ERLIN2: variants seen among roughly 807,000 people sequenced by gnomAD.
The protein encoded by ERLIN2 is ER lipid raft associated 2.
ERLIN2 carries 22 observed loss-of-function variants against 41.5 expected under a neutral mutation model. The ratio of observed to expected loss-of-function variants is 0.53; its 90% CI spans 0.38 to 0.76. The LOEUF (loss-of-function observed/expected upper bound fraction) is 0.76, where lower values mean the gene tolerates loss of function less well. Ranked by LOEUF, ERLIN2 falls within the 30% of genes least tolerant of loss-of-function variation. The pLI is 0.00. For missense variants in ERLIN2, 247 were observed against 414.3 expected (o/e 0.60, Z 3.51); for synonymous variants, 149 against 150.9 (o/e 0.99, Z 0.09).
chr8:37,753,505 T>C lies in ERLIN2; in HGVS notation c.795T>C (p.Ala265=), dbSNP rs1803277065. 6.2e-7 allele frequency: 1 copy of C among 1,613,994 alleles called. No homozygotes were observed. The highest frequency in any genetic ancestry group is 8.5e-7 in the Non-Finnish European group (1 of 1,180,004). Residue 265 remains alanine, a synonymous_variant, in exon 11 of 12, where the codon GCT becomes GCC. Transcript: ENST00000519638. Reference sequence around the variant, plus strand: ...AGGCAGATGCTGAGTGCTACACTGCTATGAAAATAGCCGAAGCCAATAAGG... The same window carrying C: ...AGGCAGATGCTGAGTGCTACACTGCCATGAAAATAGCCGAAGCCAATAAGG... ...KAKADAECYT[A]MKIAEANKLK...
chr8:37,741,871 G>C lies in ERLIN2; in HGVS notation c.236+53G>C. ...GCCCAAATAAGTCAGAGAAAAGGCT[G>C]TCTGGCTGGTTGCAGGAAGAGACAG... On this transcript the variant is annotated intron_variant, in intron 4 of 11. Transcript: ENST00000519638. The surrounding 1 kb of genome is among the most constrained non-coding windows in gnomAD (Gnocchi z 4.8). The C allele has an allele frequency of 1.4e-6, 2 of 1,417,090 alleles. No homozygotes were observed. The highest frequency in any genetic ancestry group is 1.0e-6 in the Non-Finnish European group (1 of 1,000,310). 87.8% of individuals were successfully genotyped at this position (1,417,090 alleles called of 1,614,324 possible).
chr8:37,756,715 G>A lies in ERLIN2; in HGVS notation c.*2600G>A, dbSNP rs1803367088. The A allele has an allele frequency of 1.3e-5, 2 of 152,516 alleles. No homozygotes were observed. 9.4% of individuals were successfully genotyped at this position (152,516 alleles called of 1,614,324 possible). ...TTTGTTTTTATTTTAACTCTTACTA[G>A]AAAATCTAATCTTAAAACATTTGAA... On this transcript the variant is annotated 3_prime_UTR_variant, in exon 12 of 12. Transcript: ENST00000519638.
At chr8:37,738,088 C>T in intron 2 of ERLIN2, 59 bp downstream of exon 2, 1 of 1,595,536 alleles carries the variant, frequency 6.3e-7, no homozygotes, top group Non-Finnish European at 8.6e-7. Flanking sequence ...CTTTCCTGGT[C>T]ATTGCTTTCC....
chr8:37,740,477 G>T lies in ERLIN2; in HGVS notation c.189+31G>T. ...CTTGGCCTCTGTGGTATGGCTGGAC[G>T]ACTGCAAACTTGGGCTGTTAACTAG... On this transcript the variant is annotated intron_variant, in intron 3 of 11. Transcript: ENST00000519638. The T allele has an allele frequency of 3.2e-6, 5 of 1,551,458 alleles. No homozygotes were observed. The South Asian group carries it at 3.3e-5, about 10-fold the overall frequency.
At chr8:37,740,317 GC>G in intron 2 of ERLIN2, 47 bp from the exon 3 acceptor site, 1 of 1,332,422 alleles carries the variant, frequency 7.5e-7, no homozygotes, top group Non-Finnish European at 1.1e-6. Flanking sequence ...ATCTAACAGA[GC>G]CTTCTTGCCA....
intron 1 of ERLIN2, 169 bp downstream of exon 1, chr8:37,736,847 C>T: frequency 1.0e-6 from 1 of 985,888 alleles, no homozygotes; most frequent in Non-Finnish European, 1.2e-6. Context: ...CCTTGCGAGC[C>T]GCAGGGGGAC....
At chr8:37,747,797 T>G in intron 6 of ERLIN2, 11 of 1,614,126 alleles carry the variant, frequency 6.8e-6, no homozygotes, top group African/African-American at 1.3e-5. Context: ...TCTTCTGTGT[T>G]ACAAAACTTA....
rs1802846272 is a variant in ERLIN2, at chr8:37,741,394, G to A, written c.190-378G>A. On this transcript the variant is annotated intron_variant, in intron 3 of 11. Transcript: ENST00000519638. The surrounding 1 kb of genome is among the most constrained non-coding windows in gnomAD (Gnocchi z 4.8). ...ATTTATAAATTAAACTTTATCATAG[G>A]TATGTGTTATAGGGTTTGGTACTCT... 6.6e-6 allele frequency among the ~76,000 whole-genome samples: 1 copy of A among 152,078 alleles called. No individual in the cohort carries two copies. The highest frequency in any genetic ancestry group is 1.5e-5 in the Non-Finnish European group (1 of 68,026).
At chr8:37,746,383 A>G in intron 6 of ERLIN2, 1 of 985,426 alleles carries the variant, frequency 1.0e-6, no homozygotes, top group Non-Finnish European at 1.2e-6. Flanking sequence ...ACTTAGTAAT[A>G]CAACTTTTTT....
At chr8:37,745,906 A>T (rs1803030583) in intron 6 of ERLIN2, 1 of 1,182,488 alleles carries the variant, frequency 8.5e-7, no homozygotes, top group African/African-American at 1.6e-5. Flanking sequence ...CCATTGTCTT[A>T]GGACTTGTGA....
At chr8:37,751,286 T>C (rs767196397) in intron 9 of ERLIN2, among the ~76,000 whole-genome samples, 2 of 152,240 alleles carry the variant, frequency 1.3e-5, no homozygotes, top group Non-Finnish European at 2.9e-5. Flanking sequence ...CTGCACCGTA[T>C]TATCAACAAC....
rs542972895 is a variant in ERLIN2 at position 37,744,432 on chromosome 8, T to C, written c.298+16T>C. The C allele has an allele frequency of 6.2e-7, 1 of 1,613,510 alleles. No homozygotes were observed. Among genetic ancestry groups the C allele is most frequent in the Non-Finnish European group, 8.5e-7 (1 of 1,179,440 alleles). On this transcript the variant is annotated intron_variant, in intron 5 of 11. Transcript: ENST00000519638. ...CCGAACGCAGGTACGTCTTAACAGT[T>C]TATTCCCACCACCAGCTCACTTTCC...
intron 8 of ERLIN2, 109 bp downstream of exon 8, chr8:37,749,961 G>GTA: frequency 9.9e-7 from 1 of 1,008,692 alleles, no homozygotes; most frequent in Non-Finnish European, 1.6e-6. Flanking sequence ...TCCCCTTGCT[G>GTA]GAGGATTTGC....
chr8:37,744,354 G>A lies in ERLIN2; in HGVS notation c.237-1G>A, dbSNP rs1057519172. ...CTTCTTGTCCATTCTCCCTCCAATAGTGGTGGTGTGATGATCTACTTTGAC... is the reference window on the plus strand; with the variant it reads ...CTTCTTGTCCATTCTCCCTCCAATAATGGTGGTGTGATGATCTACTTTGAC... On this transcript the variant is annotated splice_acceptor_variant, in intron 4 of 11. Transcript: ENST00000519638. LOFTEE classifies it high-confidence loss of function. The A allele has an allele frequency of 4.3e-6, 7 of 1,613,416 alleles. No homozygotes were observed. The highest frequency in any genetic ancestry group is 5.9e-6 in the Non-Finnish European group (7 of 1,179,384).
At chr8:37,744,222 A>G in intron 4 of ERLIN2, 133 bp from the exon 5 acceptor site, 3 of 822,560 alleles carry the variant, frequency 3.6e-6, no homozygotes, top group Non-Finnish European at 6.5e-6. Context: ...TGGAGATCCA[A>G]GCTGCCTTCC....
Position 37,754,292 on chromosome 8 carries a change from G to T in ERLIN2, c.*177G>T, listed in dbSNP as rs1365712423. On this transcript the variant is annotated 3_prime_UTR_variant, in exon 12 of 12. Transcript: ENST00000519638. ...TAGGGAAAGGAGGGTGGGGACTGAT[G>T]ATGGGGGGTTTTATTTCAGGTAAGC... 4.6e-6 allele frequency: 3 copies of T among 646,384 alleles called. No individual in the cohort carries two copies. The highest frequency in any genetic ancestry group is 1.8e-5 in the African/African-American group (1 of 54,928). 40.0% of individuals were successfully genotyped at this position (646,384 alleles called of 1,614,324 possible). A position where few individuals can be genotyped will look rare whatever the true frequency, so the allele number is the denominator to read the frequency against.
rs1563319890 is a variant in ERLIN2, at chr8:37,757,178, C to A, written c.*3063C>A. ...ACCGATACCTTTACTATTTAAAGAG[C>A]GTAAATAGTGAAAGTAAGATGGTCA... is the stretch of plus-strand genomic sequence containing the variant. On this transcript the variant is annotated 3_prime_UTR_variant, in exon 12 of 12. Transcript: ENST00000519638. 6.6e-6 allele frequency: 1 copy of A among 152,088 alleles called. No individual in the cohort carries two copies. Among genetic ancestry groups the A allele is most frequent in the Admixed American group, 6.5e-5 (1 of 15,278 alleles). The allele number at this position is 152,088 out of a possible 1,614,324, so 9.4% of individuals were successfully genotyped here. A position where few individuals can be genotyped will look rare whatever the true frequency, so the allele number is the denominator to read the frequency against.
chr8:37,744,853 G>T (rs753396986), intron 6 of ERLIN2, 157 bp downstream of exon 6: 1 of 816,334 alleles, frequency 1.2e-6, no homozygotes, highest in East Asian at 2.6e-5. Context: ...TCACAAAGGA[G>T]TTCATGGAGA....
chr8:37,744,162 A>C (rs1802953918), intron 4 of ERLIN2, among the ~76,000 whole-genome samples, 193 bp from the exon 5 acceptor site: 1 of 152,178 alleles, frequency 6.6e-6, no homozygotes, highest in Non-Finnish European at 1.5e-5. Context: ...AGGCAGTGTG[A>C]TTTCTCAGGA....
Sources: gnomAD v4.1 joint callset for allele counts (sites outside exome capture counted in the v4.1 genomes callset) on GRCh38, gnomAD v4.1.1 for gene constraint, Gnocchi (gnomAD v3.1) non-coding constraint, MANE v1.5 for transcripts, NCBI Gene and HGNC (gene_info 2026-07-23, HGNC 2026-07-21) for gene names.